The following GDA variants were observed in gnomAD, a reference collection of about 807,000 sequenced individuals.
The protein encoded by GDA is guanine deaminase, also known as cytoplasmic PSD-95 interactor.
GDA carries 18 observed loss-of-function variants against 59.6 expected under a neutral mutation model. The ratio of observed to expected loss-of-function variants is 0.30; its 90% confidence interval spans 0.21 to 0.45. GDA has a LOEUF of 0.45. Among genes scored for constraint, GDA ranks in the 20% least tolerant of loss-of-function variants. The pLI is 1.00. For missense variants in GDA, 427 were observed against 552.3 expected (o/e 0.77, Z 2.27); for synonymous variants, 201 against 201.1 (o/e 1.00, Z 0.00).
At chr9:72,177,278 A>G (rs1830660224) in intron 1 of GDA, among the ~76,000 whole-genome samples, 1 of 151,578 alleles carries the variant, frequency 6.6e-6, no homozygotes, top group African/African-American at 2.4e-5. Context: ...TTGTATTTTT[A>G]GTAGAGATGG....
intron 1 of GDA, among the ~76,000 whole-genome samples, chr9:72,125,062 C>T (rs1245915069): frequency 2.0e-5 from 3 of 152,166 alleles, no homozygotes; most frequent in Admixed American, 6.5e-5. Flanking sequence ...AGAGAGGACT[C>T]AAAGGATTCT....
rs1168434599 is a variant in GDA, at chr9:72,250,921, G to A, written c.*2579G>A. ...CCAGAACACAAAAGCAGGCTAGTCA[G>A]CTAAGGTAAATTTCATTTTCAAACG... On this transcript the variant is annotated 3_prime_UTR_variant, in exon 14 of 14. Transcript: ENST00000358399. 1.7e-6 allele frequency: 2 copies of A among 1,184,928 alleles called. No homozygotes were observed. The highest frequency in any genetic ancestry group is 4.0e-5 in the Admixed American group (2 of 50,240). The allele number at this position is 1,184,928 out of a possible 1,614,324, so 73.4% of individuals were successfully genotyped here.
At chr9:72,157,702 A>G (rs919713985) in intron 1 of GDA, among the ~76,000 whole-genome samples, 2 of 152,178 alleles carry the variant, frequency 1.3e-5, no homozygotes, top group African/African-American at 4.8e-5. Context: ...CATGGGTAGT[A>G]TCATGTATCT....
intron 1 of GDA, among the ~76,000 whole-genome samples, chr9:72,117,199 G>A (rs549354431): frequency 3.0e-4 from 45 of 152,064 alleles, no homozygotes; most frequent in African/African-American, 9.9e-4. Context: ...TGTTTTATGA[G>A]TATATGACTT....
intron 1 of GDA, among the ~76,000 whole-genome samples, chr9:72,139,091 CCT>C (rs1826350397): frequency 6.6e-6 from 1 of 152,176 alleles, no homozygotes. Context: ...GGCTGCTATT[CCT>C]CTTTCAAGCA....
intron 1 of GDA, among the ~76,000 whole-genome samples, chr9:72,135,438 C>T (rs763436310): frequency 6.6e-5 from 10 of 152,148 alleles, no homozygotes; most frequent in Admixed American, 2.0e-4. Context: ...GATGATGCCA[C>T]ATGACAAGAT....
chr9:72,204,258 G>A (rs1321983826), intron 3 of GDA, among the ~76,000 whole-genome samples: 2 of 152,162 alleles, frequency 1.3e-5, no homozygotes, highest in African/African-American at 2.4e-5. Context: ...GGTGCATTGT[G>A]TTAATGAATG....
intron 4 of GDA, among the ~76,000 whole-genome samples, chr9:72,213,618 A>G (rs1206967148): frequency 1.3e-5 from 2 of 151,804 alleles, no homozygotes; most frequent in African/African-American, 2.4e-5. Flanking sequence ...CTTGGCTAAC[A>G]CGGTGAAACC....
chr9:72,200,855 C>A (rs1424352814), intron 2 of GDA, among the ~76,000 whole-genome samples: 1 of 152,110 alleles, frequency 6.6e-6, no homozygotes, highest in Admixed American at 6.6e-5. Context: ...TTAACAATTC[C>A]ATCACGTGGA....
At chr9:72,118,346 T>C (rs1297750570) in intron 1 of GDA, among the ~76,000 whole-genome samples, 1 of 151,912 alleles carries the variant, frequency 6.6e-6, no homozygotes, top group Non-Finnish European at 1.5e-5. Flanking sequence ...CCTTACGTCT[T>C]TCTTTAGAAC....
intron 1 of GDA, among the ~76,000 whole-genome samples, chr9:72,129,763 A>G (rs1482421368): frequency 4.6e-5 from 7 of 152,148 alleles, no homozygotes; most frequent in African/African-American, 2.4e-5. Flanking sequence ...AACTGCCCCA[A>G]TGACTCTCTA....
In GDA at chr9:72,204,216, T is replaced by A. The variant is rs187877199; in HGVS notation, c.384+1474T>A. Reference sequence around the variant, plus strand: ...ATGCACCACATGACACTAGAAAAGCTGAGAAGGACTAAAGCTATGTATAAA... The same window carrying A: ...ATGCACCACATGACACTAGAAAAGCAGAGAAGGACTAAAGCTATGTATAAA... On this transcript the variant is annotated intron_variant, in intron 3 of 13. Coordinates refer to ENST00000358399, the MANE Select transcript of GDA (RefSeq NM_004293.5). Among the ~76,000 whole-genome samples the A allele has an allele frequency of 3.9e-5, 6 of 152,328 alleles. No homozygotes were observed. The East Asian group carries it at 1.2e-3, about 29-fold the overall frequency.
intron 2 of GDA, 119 bp downstream of exon 2, chr9:72,195,707 G>A (rs1833090751): frequency 5.2e-6 from 2 of 383,240 alleles, no homozygotes; most frequent in South Asian, 1.0e-4. Context: ...TAATTATTTT[G>A]TATTAATTAT....
intron 1 of GDA, among the ~76,000 whole-genome samples, chr9:72,144,324 G>A (rs556547968): frequency 1.2e-3 from 183 of 152,246 alleles, no homozygotes; most frequent in Non-Finnish European, 8.7e-4. Context: ...CAATTGTTAA[G>A]TGCCTTGTAT....
chr9:72,258,293 A>G (rs528828740), downstream of GDA, among the ~76,000 whole-genome samples: 32 of 152,298 alleles, frequency 2.1e-4, no homozygotes, highest in African/African-American at 7.5e-4. Context: ...AGCCTGGGCA[A>G]CAGAGCAAGA....
chr9:72,197,070 G>A (rs1302056875), intron 2 of GDA, among the ~76,000 whole-genome samples: 2 of 152,124 alleles, frequency 1.3e-5, no homozygotes, highest in Non-Finnish European at 2.9e-5. Context: ...ACTGTTTCAC[G>A]TAATAGAGGA....
At chr9:72,165,001 A>G (rs2130883616) in intron 1 of GDA, among the ~76,000 whole-genome samples, 1 of 151,938 alleles carries the variant, frequency 6.6e-6, no homozygotes, top group South Asian at 2.1e-4. Context: ...AAAAAAAAAA[A>G]AAAATGCTCT....
At chr9:72,213,854 G>A in intron 4 of GDA, 32 bp from the exon 5 acceptor site, 1 of 1,124,354 alleles carries the variant, frequency 8.9e-7, no homozygotes, top group Admixed American at 1.8e-5. Flanking sequence ...AAACAAACAT[G>A]CCTTCATATT....
At chr9:72,144,888 CT>C (rs771762983), upstream of GDA, among the ~76,000 whole-genome samples, 1,756 of 141,592 alleles carry the variant, frequency 0.012, 20 homozygotes, top group African/African-American at 0.032. Context: ...TTTGGTGTAT[CT>C]TTTTTTTTTT....
Sources: gnomAD v4.1 joint callset for allele counts (sites outside exome capture counted in the v4.1 genomes callset) on GRCh38, gnomAD v4.1.1 for gene constraint, MANE v1.5 for transcripts, NCBI Gene and HGNC (gene_info 2026-07-23, HGNC 2026-07-21) for gene names.